Variants in ZFHX3 observed in about 807,000 individuals in gnomAD.
ZFHX3 encodes zinc finger homeobox 3.
A neutral mutation model predicts 279.1 loss-of-function variants in ZFHX3; 42 were observed. The ratio of observed to expected loss-of-function variants is 0.15; its 90% confidence interval spans 0.12 to 0.19. ZFHX3 has a LOEUF of 0.19. ZFHX3 is among the 10% of genes least tolerant of loss of function. ZFHX3 has a pLI of 1.00. For synonymous variants in ZFHX3, 2,293 were observed against 1,957.8 expected (o/e 1.17, Z -4.52); for missense variants, 4,981 against 4,754.0 (o/e 1.05, Z -1.40).
chr16:73,575,038 T>C (rs1025741839), intron 2 of ZFHX3, among the ~76,000 whole-genome samples: 20 of 152,178 alleles, frequency 1.3e-4, no homozygotes, highest in African/African-American at 4.8e-4. Flanking sequence ...CCTCATGCCG[T>C]TTTGTGTGTT....
intron 4 of ZFHX3, among the ~76,000 whole-genome samples, chr16:73,297,712 C>T (rs757904492): frequency 1.3e-5 from 2 of 151,890 alleles, no homozygotes; most frequent in Non-Finnish European, 2.9e-5. Context: ...GATAGGGAGA[C>T]CAGGTTCAAA....
In ZFHX3 at chr16:72,787,413, G is replaced by T; in HGVS notation, c.10863C>A (p.Val3621=). 6.6e-7 allele frequency: 1 copy of T among 1,524,494 alleles called. No individual in the cohort carries two copies. Among genetic ancestry groups the T allele is most frequent in the Non-Finnish European group, 8.9e-7 (1 of 1,126,354 alleles). The allele number at this position is 1,524,494 out of a possible 1,614,324, so 94.4% of individuals were successfully genotyped here. A position where few individuals can be genotyped will look rare whatever the true frequency, so the allele number is the denominator to read the frequency against. Residue 3621 remains valine, a synonymous_variant, in exon 10 of 10, where the codon GTC becomes GTA. Transcript: ENST00000268489. ...GGGGCTTCGCTGCCGAAGCCCGGGA[G>T]ACCACTTGCGGCCAAGACTTCCTGG... ...HASRKSWPQV[V]SRASAAKPPS...
chr16:73,032,780 T>C (rs1238150586), intron 1 of ZFHX3, among the ~76,000 whole-genome samples: 1 of 152,068 alleles, frequency 6.6e-6, no homozygotes, highest in African/African-American at 2.4e-5. Context: ...ACCTGCTAGT[T>C]AGCAACGAGA....
chr16:73,155,046 A>C (rs117778338), intron 5 of ZFHX3, among the ~76,000 whole-genome samples: 5,157 of 151,958 alleles, frequency 0.034, 148 homozygotes, highest in Non-Finnish European at 0.052. Flanking sequence ...TGGTGGCTGC[A>C]CTTGTAGTGC....
intron 3 of ZFHX3, among the ~76,000 whole-genome samples, chr16:72,941,573 C>G (rs953187160): frequency 6.6e-6 from 1 of 151,968 alleles, no homozygotes; most frequent in African/African-American, 2.4e-5. Context: ...CTGAAATTTA[C>G]GTTTGGAGGC....
chr16:73,473,255 T>G (rs1218337527), intron 2 of ZFHX3, among the ~76,000 whole-genome samples: 1 of 147,906 alleles, frequency 6.8e-6, no homozygotes, highest in Middle Eastern at 3.4e-3. Context: ...GAGGGTCACT[T>G]GAGCCCAGGA....
intron 5 of ZFHX3, among the ~76,000 whole-genome samples, chr16:73,239,057 C>T (rs768561198): frequency 4.6e-5 from 7 of 152,138 alleles, no homozygotes; most frequent in African/African-American, 7.2e-5. Flanking sequence ...AGGCAGAGAC[C>T]GTGCCCTTCA....
intron 2 of ZFHX3, among the ~76,000 whole-genome samples, chr16:73,630,990 C>G (rs1434133746): frequency 6.6e-6 from 1 of 151,614 alleles, no homozygotes; most frequent in African/African-American, 2.4e-5. Context: ...GCTTTACTGA[C>G]TTAAAAGTGA....
At chr16:73,541,940 T>A (rs960011100) in intron 2 of ZFHX3, among the ~76,000 whole-genome samples, 1 of 151,694 alleles carries the variant, frequency 6.6e-6, no homozygotes, top group Non-Finnish European at 1.5e-5. Flanking sequence ...TAGCTAGGAC[T>A]ATAGGCACCT....
Position 72,957,852 on chromosome 16 carries a change from A to C in ZFHX3, c.2294T>G (p.Val765Gly), listed in dbSNP as rs2144437125. ...CGCCGCCCCGGCAGTGTGGCTGAAG[A>C]CCTGCTCCCCCCCTCCATTCTGCAG... ...QNLQNGGGEQVFSHTAGAAAA... is the reference protein window; with the variant it reads ...QNLQNGGGEQGFSHTAGAAAA... Residue 765 changes from valine to glycine, a missense_variant, in exon 2 of 10, where the codon GTC becomes GGC. Transcript: ENST00000268489. 6.2e-7 allele frequency: 1 copy of C among 1,613,818 alleles called. No homozygotes were observed. The highest frequency in any genetic ancestry group is 8.5e-7 in the Non-Finnish European group (1 of 1,179,972).
At chr16:73,568,017 C>T (rs985253095) in intron 2 of ZFHX3, among the ~76,000 whole-genome samples, 1 of 152,086 alleles carries the variant, frequency 6.6e-6, no homozygotes, top group Non-Finnish European at 1.5e-5. Context: ...AGAAAGAGTC[C>T]TCAAATTACG....
intron 3 of ZFHX3, among the ~76,000 whole-genome samples, chr16:72,903,204 C>T (rs1224447348): frequency 1.3e-5 from 2 of 152,202 alleles, no homozygotes; most frequent in Non-Finnish European, 2.9e-5. Context: ...ATGCTAAGGG[C>T]AGGTCCCGCC....
intron 1 of ZFHX3, among the ~76,000 whole-genome samples, chr16:73,745,813 G>A (rs381566): frequency 0.042 from 6,337 of 152,202 alleles, 259 homozygotes; most frequent in African/African-American, 0.11. Flanking sequence ...TGTCTCTGGT[G>A]TCCTGACAAT....
chr16:73,403,072 G>A (rs1426641038), intron 3 of ZFHX3, among the ~76,000 whole-genome samples: 4 of 151,760 alleles, frequency 2.6e-5, no homozygotes. Context: ...GTGTGCATGT[G>A]TGTGCATGTG....
intron 1 of ZFHX3, among the ~76,000 whole-genome samples, chr16:73,848,861 C>T (rs970753683): frequency 1.1e-4 from 17 of 152,196 alleles, no homozygotes; most frequent in Admixed American, 9.2e-4. Context: ...TTTACTCATA[C>T]GTACTTTCTG....
At chr16:73,212,750 G>A (rs2012064200) in intron 5 of ZFHX3, among the ~76,000 whole-genome samples, 2 of 152,130 alleles carry the variant, frequency 1.3e-5, no homozygotes, top group African/African-American at 4.8e-5. Flanking sequence ...GCAGAGTATT[G>A]ATACGGAGTT....
intron 1 of ZFHX3, among the ~76,000 whole-genome samples, chr16:73,735,734 T>C (rs185348574): frequency 6.6e-6 from 1 of 152,236 alleles, no homozygotes; most frequent in East Asian, 1.9e-4. Context: ...GACATTCCCT[T>C]TTGAGCTATC....
chr16:73,100,325 A>G (rs1002156279), intron 7 of ZFHX3, among the ~76,000 whole-genome samples: 2 of 152,216 alleles, frequency 1.3e-5, no homozygotes, highest in Non-Finnish European at 2.9e-5. Context: ...AAACACCTTG[A>G]TCAGACGAAC....
Position 72,958,719 on chromosome 16 carries a change from T to A in ZFHX3, c.1427A>T (p.Glu476Val), listed in dbSNP as rs780754512. 6.2e-7 allele frequency: 1 copy of A among 1,613,110 alleles called. No individual in the cohort carries two copies. The highest frequency in any genetic ancestry group is 2.2e-5 in the East Asian group (1 of 44,852). ...EEEEEEAEEE[E>V]EEEEEEEEEE... is the part of the protein sequence containing the mutation. The stretch of plus-strand genomic sequence containing the variant: ...CTCTTCTTCCTCCTCCTCTTCTTCC[T>A]CCTCCTCCTCCGCCTCTTCCTCCTC... The change falls in exon 2 of 10, where the codon GAG (glutamate) becomes GTG (valine). Residue 476 changes from glutamate to valine, a missense_variant. Glu to Val is a moderately radical substitution (Grantham distance 121). Transcript: ENST00000268489.
Sources: allele counts gnomAD v4.1 joint callset (sites outside exome capture counted in the v4.1 genomes callset), GRCh38; gene constraint gnomAD v4.1.1; transcripts MANE v1.5; gene names NCBI Gene and HGNC (gene_info 2026-07-23, HGNC 2026-07-21).